NEXMIF: variants seen among roughly 807,000 people sequenced by gnomAD.
NEXMIF encodes neurite extension and migration factor, also known as XLMR protein related to neurite extension.
In NEXMIF, 8 loss-of-function variants were observed where a neutral mutation model predicts 62.1. The observed-to-expected ratio is 0.13, with a 90% confidence interval of 0.08 to 0.23. The LOEUF is 0.23. NEXMIF is among the 10% of genes least tolerant of loss of function. The pLI is 1.00. For synonymous variants in NEXMIF, 404 were observed against 416.6 expected, an observed-to-expected ratio of 0.97 and a Z score of 0.37; for missense variants, 976 against 1,113.3, an observed-to-expected ratio of 0.88 and a Z score of 1.75.
intron 1 of NEXMIF, among the ~76,000 whole-genome samples, chrX:74,889,814 T>G (rs2080711131): frequency 9.0e-6 from 1 of 111,477 alleles, no homozygotes; most frequent in South Asian, 3.8e-4. Flanking sequence ...AGAGATAGCT[T>G]AATAATAACA....
chrX:74,884,366 T>A (rs1437316455), intron 1 of NEXMIF, among the ~76,000 whole-genome samples: 1 of 110,663 alleles, frequency 9.0e-6, no homozygotes, highest in South Asian at 3.8e-4. Flanking sequence ...GGATAAAGAG[T>A]CAAGACCCAT....
At chrX:74,790,910 T>C (rs1187393399) in intron 1 of NEXMIF, among the ~76,000 whole-genome samples, 89 of 110,144 alleles carry the variant, frequency 8.1e-4, no homozygotes, top group Non-Finnish European at 1.6e-3. Flanking sequence ...TATACAATCA[T>C]GTCGTCTGCA....
At chrX:74,758,171 G>A (rs984111807) in intron 1 of NEXMIF, among the ~76,000 whole-genome samples, 16 of 110,841 alleles carry the variant, frequency 1.4e-4, no homozygotes, top group Non-Finnish European at 2.3e-4. Flanking sequence ...GAAGAGGAGA[G>A]TGGGTGGGAA....
intron 1 of NEXMIF, among the ~76,000 whole-genome samples, chrX:74,920,581 G>C (rs1196067957): frequency 5.4e-5 from 6 of 111,503 alleles, no homozygotes; most frequent in African/African-American, 1.6e-4. Context: ...TAGGTTGCCT[G>C]TTCACTCTGA....
At chrX:74,752,346 G>A (rs904322135) in intron 1 of NEXMIF, among the ~76,000 whole-genome samples, 3 of 110,500 alleles carry the variant, frequency 2.7e-5, no homozygotes, top group African/African-American at 6.6e-5. Context: ...TGTATCACCT[G>A]CCTTCATTTT....
chrX:74,874,970 T>C (rs1224512073), intron 1 of NEXMIF, among the ~76,000 whole-genome samples: 1 of 110,988 alleles, frequency 9.0e-6, no homozygotes, highest in Non-Finnish European at 1.9e-5. Flanking sequence ...CTTTTCCTAA[T>C]TGAATACATT....
intron 1 of NEXMIF, among the ~76,000 whole-genome samples, chrX:74,870,857 G>A (rs1187557005): frequency 8.9e-6 from 1 of 112,008 alleles, no homozygotes; most frequent in African/African-American, 3.2e-5. Context: ...CTCTTACACT[G>A]TTGGTGGGAA....
chrX:74,862,826 G>A (rs553790475), intron 1 of NEXMIF, among the ~76,000 whole-genome samples: 2 of 111,090 alleles, frequency 1.8e-5, no homozygotes, highest in East Asian at 2.8e-4. Context: ...TCTCTGGAAC[G>A]CAGCTAAAGC....
intron 1 of NEXMIF, among the ~76,000 whole-genome samples, chrX:74,862,082 T>C (rs1434875186): frequency 4.5e-5 from 5 of 111,484 alleles, no homozygotes; most frequent in Non-Finnish European, 9.4e-5. Context: ...TGCTTTGCTG[T>C]ATTCAAGAGA....
At chrX:74,792,826 T>TG (rs2080289889) in intron 1 of NEXMIF, among the ~76,000 whole-genome samples, 1 of 88,694 alleles carries the variant, frequency 1.1e-5, no homozygotes, top group Non-Finnish European at 2.2e-5. Context: ...TCCATTTGCT[T>TG]GGTAGATCTT....
intron 1 of NEXMIF, among the ~76,000 whole-genome samples, chrX:74,881,058 C>T (rs73625830): frequency 0.055 from 6,095 of 111,676 alleles, 199 homozygotes; most frequent in African/African-American, 0.12. Context: ...AGGCACTTCT[C>T]GCCAGATGTA....
intron 1 of NEXMIF, among the ~76,000 whole-genome samples, chrX:74,840,750 A>G (rs1380177767): frequency 9.0e-6 from 1 of 111,444 alleles, no homozygotes; most frequent in Non-Finnish European, 1.9e-5. Context: ...TCTTTTCCCA[A>G]TTGCTTGTTT....
At chrX:74,840,288 T>A (rs1386647899) in intron 1 of NEXMIF, among the ~76,000 whole-genome samples, 1 of 111,675 alleles carries the variant, frequency 9.0e-6, no homozygotes, top group African/African-American at 3.3e-5. Flanking sequence ...TTTGTGTAAG[T>A]TCCCTATAGA....
chrX:74,795,068 G>C (rs1363149622), intron 1 of NEXMIF, among the ~76,000 whole-genome samples: 1 of 111,899 alleles, frequency 8.9e-6, no homozygotes, highest in African/African-American at 3.2e-5. Flanking sequence ...TTTCAGTCCA[G>C]CTCAGGAACA....
At chrX:74,900,811 T>A (rs1286549925) in intron 1 of NEXMIF, among the ~76,000 whole-genome samples, 1 of 112,301 alleles carries the variant, frequency 8.9e-6, no homozygotes, top group East Asian at 2.8e-4. Context: ...CAATAGAATA[T>A]TATTCAGCCT....
At chrX:74,869,547 A>G (rs1263029261) in intron 1 of NEXMIF, among the ~76,000 whole-genome samples, 1 of 112,095 alleles carries the variant, frequency 8.9e-6, no homozygotes, top group Non-Finnish European at 1.9e-5. Context: ...TTATTTCCAG[A>G]TGATATGATC....
chrX:74,879,324 C>T (rs776257086), intron 1 of NEXMIF, among the ~76,000 whole-genome samples: 6 of 112,088 alleles, frequency 5.4e-5, no homozygotes, highest in Non-Finnish European at 7.5e-5. Flanking sequence ...TTAATCTACA[C>T]ATCCAAGGAG....
intron 1 of NEXMIF, among the ~76,000 whole-genome samples, chrX:74,875,160 C>T (rs78410147): frequency 0.42 from 45,429 of 109,339 alleles, 10,108 homozygotes; most frequent in East Asian, 0.93. Flanking sequence ...TATTTTGAAA[C>T]ATGTCCCATC....
Position 74,740,511 on chromosome X carries a change from C to A in NEXMIF, c.4046G>T (p.Gly1349Val). 8.3e-7 allele frequency: 1 copy of A among 1,211,159 alleles called. No individual in the cohort carries two copies. The highest frequency in any genetic ancestry group is 1.1e-6 in the Non-Finnish European group (1 of 895,178). Residue 1349 changes from glycine (G) to valine (V), a missense_variant, in exon 3 of 4, where the codon GGG (glycine) becomes GTG (valine). Around this residue, in one of 5 missense-constraint regions of NEXMIF, gnomAD observed 137 missense variants for 128.9 expected, o/e 1.06. Coordinates refer to ENST00000055682, the MANE Select transcript of NEXMIF (RefSeq NM_001008537.3). Reference sequence around the variant, plus strand: ...AGGGGAGTAGAATATGTTGGGATCCCCATGGTGCTCCATGGGTTCCCAAAG... The same window carrying A: ...AGGGGAGTAGAATATGTTGGGATCCACATGGTGCTCCATGGGTTCCCAAAG... ...EPLWEPMEHH[G>V]DPNIFYSPES...
Sources: allele counts gnomAD v4.1 joint callset (sites outside exome capture counted in the v4.1 genomes callset), GRCh38; gene constraint gnomAD v4.1.1; regional missense constraint gnomAD v4.1.1; transcripts MANE v1.5; gene names NCBI Gene and HGNC (gene_info 2026-07-23, HGNC 2026-07-21).